Variants in API5 observed in about 807,000 individuals in gnomAD.
API5 encodes the protein apoptosis inhibitor 5.
A neutral mutation model predicts 71.9 loss-of-function variants in API5; 6 were observed. That is an observed-to-expected ratio of 0.08 (90% CI 0.05 to 0.16). The LOEUF is 0.16. API5 is among the 10% of genes least tolerant of loss of function. The pLI is 1.00. For missense variants in API5, 332 were observed against 612.8 expected (o/e 0.54, Z 4.84); for synonymous variants, 189 against 221.3 (o/e 0.85, Z 1.30).
intron 9 of API5, among the ~76,000 whole-genome samples, chr11:43,329,697 GA>G (rs1192348494): frequency 6.6e-6 from 1 of 152,228 alleles, no homozygotes; most frequent in African/African-American, 2.4e-5. Flanking sequence ...ACTGCTTATT[GA>G]ATTGTTCCAT....
intron 8 of API5, 72 bp downstream of exon 8, chr11:43,327,950 G>C: frequency 1.1e-6 from 1 of 921,238 alleles, no homozygotes; most frequent in East Asian, 2.9e-5. Context: ...TTAATTTCTA[G>C]ATTACAAGAA....
At chr11:43,320,948 T>TA (rs1854868152) in intron 3 of API5, 34 bp downstream of exon 3, 1 of 1,522,762 alleles carries the variant, frequency 6.6e-7, no homozygotes, top group Admixed American at 1.7e-5. Flanking sequence ...TTTCTCTAAA[T>TA]ATATATCTTC....
Position 43,321,922 on chromosome 11 carries a change from A to C in API5, c.392-63A>C, listed in dbSNP as rs1854905603. 4 of 1,452,006 alleles carry C rather than the reference A, an allele frequency of 2.8e-6. No homozygotes were observed. In the East Asian group the frequency reaches 9.3e-5, roughly 34 times the overall value. 89.9% of individuals were successfully genotyped at this position (1,452,006 alleles called of 1,614,324 possible). ...GAGAAGAAATACTATAAATTGAGTT[A>C]AATGGGAAAACACCATTACACTATA... On this transcript the variant is annotated intron_variant, in intron 4 of 13. Transcript: ENST00000531273.
intron 2 of API5, among the ~76,000 whole-genome samples, chr11:43,320,271 C>G (rs141904259): frequency 0.035 from 5,362 of 152,032 alleles, 113 homozygotes; most frequent in Non-Finnish European, 0.046. Context: ...GTCTCAAACT[C>G]CTGACCTCGT....
intron 6 of API5, among the ~76,000 whole-genome samples, chr11:43,324,447 CAATTT>C (rs1455730155): frequency 6.6e-6 from 1 of 152,062 alleles, no homozygotes; most frequent in Non-Finnish European, 1.5e-5. Context: ...TTGAAAAACA[CAATTT>C]AAAGGAACTA....
intron 13 of API5, among the ~76,000 whole-genome samples, chr11:43,338,067 T>A (rs1482711857): frequency 3.9e-5 from 6 of 152,152 alleles, no homozygotes; most frequent in Non-Finnish European, 7.4e-5. Context: ...GTCTTCAAAA[T>A]AACAGAAGGG....
chr11:43,327,897 C>A lies in API5; in HGVS notation c.945+19C>A. 1 of 1,518,462 alleles carries A rather than the reference C, an allele frequency of 6.6e-7. No homozygotes were observed. 94.1% of individuals were successfully genotyped at this position (1,518,462 alleles called of 1,614,324 possible). On this transcript the variant is annotated intron_variant, in intron 8 of 13. Transcript: ENST00000531273. ...GTTATTGGTAAGAACTTTTTCCTTT[C>A]CTTATGGGATAGTCAGTATATAGCT...
intron 1 of API5, among the ~76,000 whole-genome samples, chr11:43,313,846 T>C (rs1854578131): frequency 6.6e-6 from 1 of 152,094 alleles, no homozygotes; most frequent in Non-Finnish European, 1.5e-5. Context: ...CCCAATTCTT[T>C]AAGGGGCGTG....
intron 6 of API5, among the ~76,000 whole-genome samples, chr11:43,325,840 G>A (rs1016760041): frequency 2.0e-5 from 3 of 152,104 alleles, no homozygotes; most frequent in Admixed American, 6.5e-5. Flanking sequence ...GCAGTTTTTT[G>A]GGATGCTCAA....
intron 2 of API5, among the ~76,000 whole-genome samples, chr11:43,319,333 G>C (rs1206907879): frequency 6.6e-6 from 1 of 152,184 alleles, no homozygotes; most frequent in Non-Finnish European, 1.5e-5. Context: ...GCTGACACAG[G>C]TTCCTAAGAA....
At chr11:43,317,367 G>A (rs1375064886) in intron 1 of API5, among the ~76,000 whole-genome samples, 2 of 152,164 alleles carry the variant, frequency 1.3e-5, no homozygotes, top group Admixed American at 1.3e-4. Flanking sequence ...AGTATTTGAG[G>A]GAGAGCACCT....
chr11:43,331,362 A>G (rs1392507082), intron 11 of API5: 1 of 153,218 alleles, frequency 6.5e-6, no homozygotes, highest in Admixed American at 6.5e-5. Context: ...TTTATAAAAA[A>G]TCATTTTAAA....
rs5743237 is a variant in API5 at position 43,326,939 on chromosome 11, C to T, written c.855+328C>T. Among the ~76,000 whole-genome samples, 61 of 152,308 alleles carry T rather than the reference C, an allele frequency of 4.0e-4. 2 individuals are homozygous for T. The South Asian group carries it at 0.012, about 31-fold the overall frequency. Reference sequence around the variant, plus strand: ...TTTAAACTGGATTAACACAAAATATCCTTTATTCCTTCTTCAATAGAATTC... The same window carrying T: ...TTTAAACTGGATTAACACAAAATATTCTTTATTCCTTCTTCAATAGAATTC... On this transcript the variant is annotated intron_variant, in intron 7 of 13. Coordinates refer to ENST00000531273, the MANE Select transcript of API5 (RefSeq NM_001142930.2).
At chr11:43,340,067 CAT>C (rs1165217028) in intron 13 of API5, among the ~76,000 whole-genome samples, 1 of 151,952 alleles carries the variant, frequency 6.6e-6, no homozygotes, top group Non-Finnish European at 1.5e-5. Flanking sequence ...CCAAAAAACT[CAT>C]AGAACTGATA....
intron 6 of API5, among the ~76,000 whole-genome samples, chr11:43,324,702 G>C (rs1217654007): frequency 6.6e-6 from 1 of 152,048 alleles, no homozygotes; most frequent in Non-Finnish European, 1.5e-5. Flanking sequence ...TTATGAGACA[G>C]AGTCTCGCTC....
chr11:43,331,486 ATG>A, intron 11 of API5: 1 of 213,650 alleles, frequency 4.7e-6, no homozygotes, highest in Non-Finnish European at 9.2e-6. Context: ...CAGGAAAAAA[ATG>A]TTTTATTATA....
intron 11 of API5, among the ~76,000 whole-genome samples, chr11:43,333,005 A>G (rs572900728): frequency 6.6e-6 from 1 of 152,332 alleles, no homozygotes; most frequent in East Asian, 1.9e-4. Flanking sequence ...TTGCTCTGGA[A>G]CTTTTCAGGA....
chr11:43,322,251 C>G, intron 5 of API5, 115 bp downstream of exon 5: 2 of 970,948 alleles, frequency 2.1e-6, no homozygotes, highest in Non-Finnish European at 1.4e-6. Flanking sequence ...TATCATATAT[C>G]CCATTGGAAC....
chr11:43,323,880 A>G (rs577931534), intron 6 of API5, among the ~76,000 whole-genome samples: 141 of 152,146 alleles, frequency 9.3e-4, no homozygotes, highest in Non-Finnish European at 1.6e-3. Flanking sequence ...TGAGCATCAC[A>G]TTGGTGCTCA....
Sources: gnomAD v4.1 joint callset for allele counts (sites outside exome capture counted in the v4.1 genomes callset) on GRCh38, gnomAD v4.1.1 for gene constraint, MANE v1.5 for transcripts, NCBI Gene and HGNC (gene_info 2026-07-23, HGNC 2026-07-21) for gene names.